Variants in TIAM1 observed in about 807,000 individuals in gnomAD.
TIAM1 encodes TIAM Rac1 associated GEF 1.
Under a neutral mutation model 163.5 loss-of-function variants are expected in TIAM1, and 65 were observed. That is an observed-to-expected ratio of 0.40 (90% CI 0.33 to 0.49). The LOEUF is 0.49. TIAM1 is among the 20% of genes least tolerant of loss of function. The pLI is 0.77. For synonymous variants in TIAM1, 833 were observed against 810.1 expected (o/e 1.03, Z -0.48); for missense variants, 1,789 against 2,044.7 (o/e 0.87, Z 2.41).
chr21:31,391,427 C>T (rs2076963097), intron 2 of TIAM1, among the ~76,000 whole-genome samples: 1 of 152,092 alleles, frequency 6.6e-6, no homozygotes, highest in African/African-American at 2.4e-5. Context: ...GAGTTCGAGA[C>T]CAGCCTGGCC....
chr21:31,529,352 C>T (rs2047901629), intron 1 of TIAM1, among the ~76,000 whole-genome samples: 1 of 152,190 alleles, frequency 6.6e-6, no homozygotes, highest in East Asian at 1.9e-4. Context: ...GCAGATAAAA[C>T]AATTAGAAAA....
At chr21:31,458,532 T>C (rs1204332683) in intron 2 of TIAM1, among the ~76,000 whole-genome samples, 1 of 152,202 alleles carries the variant, frequency 6.6e-6, no homozygotes, top group Non-Finnish European at 1.5e-5. Context: ...CAATGTATTC[T>C]TCTTGGGAAA....
intron 2 of TIAM1, among the ~76,000 whole-genome samples, chr21:31,303,421 C>A (rs2074575763): frequency 6.6e-6 from 1 of 152,120 alleles, no homozygotes. Flanking sequence ...ATAAGGCCAA[C>A]AGGATGCGGG....
intron 13 of TIAM1, among the ~76,000 whole-genome samples, chr21:31,188,151 G>A (rs2085386124): frequency 6.6e-6 from 1 of 152,002 alleles, no homozygotes; most frequent in Admixed American, 6.5e-5. Context: ...ATGGTTTTTT[G>A]TTTAGTTTAC....
intron 10 of TIAM1, among the ~76,000 whole-genome samples, chr21:31,210,765 A>AGAAG (rs1555891334): frequency 1.6e-5 from 2 of 129,026 alleles, no homozygotes; most frequent in Non-Finnish European, 3.3e-5. Flanking sequence ...AAAGAAAGAA[A>AGAAG]GAAAGAAAGA....
At chr21:31,234,670 A>G (rs1300546207) in intron 6 of TIAM1, among the ~76,000 whole-genome samples, 2 of 152,044 alleles carry the variant, frequency 1.3e-5, no homozygotes, top group African/African-American at 4.8e-5. Flanking sequence ...CATCCCAGAT[A>G]TTCGAGAGGC....
intron 1 of TIAM1, among the ~76,000 whole-genome samples, chr21:31,499,457 C>T (rs769217864): frequency 2.6e-5 from 4 of 152,024 alleles, no homozygotes; most frequent in Non-Finnish European, 5.9e-5. Flanking sequence ...ATGAGGATCA[C>T]TTGAGACCAG....
chr21:31,321,247 G>C (rs2075302052), intron 2 of TIAM1, among the ~76,000 whole-genome samples: 2 of 152,194 alleles, frequency 1.3e-5, no homozygotes, highest in Admixed American at 6.5e-5. Flanking sequence ...CGGCAGGCCT[G>C]CACCTCTGCC....
intron 2 of TIAM1, among the ~76,000 whole-genome samples, chr21:31,377,033 C>CTT (rs35487868): frequency 0.15 from 11,797 of 80,872 alleles, 1,136 homozygotes; most frequent in Middle Eastern, 0.33. Flanking sequence ...TCATTTTTGT[C>CTT]TTTTTTTTTT....
chr21:31,221,574 G>C (rs1296594769), intron 8 of TIAM1, among the ~76,000 whole-genome samples: 5 of 152,198 alleles, frequency 3.3e-5, no homozygotes, highest in Non-Finnish European at 7.3e-5. Flanking sequence ...CCTTCTCAGG[G>C]AGGCTGCGCC....
chr21:31,300,643 A>G (rs1275538741), intron 2 of TIAM1, among the ~76,000 whole-genome samples: 1 of 152,242 alleles, frequency 6.6e-6, no homozygotes, highest in Non-Finnish European at 1.5e-5. Flanking sequence ...CTTTACTACA[A>G]GTTTTTGCAA....
At chr21:31,147,389 A>C (rs1466714595) in intron 19 of TIAM1, among the ~76,000 whole-genome samples, 1 of 152,024 alleles carries the variant, frequency 6.6e-6, no homozygotes, top group African/African-American at 2.4e-5. Flanking sequence ...GGAAATGCTC[A>C]TACCTCCCGC....
At chr21:31,453,816 G>GA (rs11437028) in intron 2 of TIAM1, among the ~76,000 whole-genome samples, 152,204 of 152,216 alleles carry the variant, frequency 1, 76,096 homozygotes, top group Middle Eastern at 1. Context: ...AAAGAGGGGG[G>GA]AAATAATTGT....
intron 6 of TIAM1, among the ~76,000 whole-genome samples, chr21:31,243,953 C>T (rs901375969): frequency 6.6e-6 from 1 of 152,202 alleles, no homozygotes; most frequent in African/African-American, 2.4e-5. Context: ...TGATAAAAGA[C>T]ATACTCAATT....
intron 4 of TIAM1, among the ~76,000 whole-genome samples, chr21:31,265,284 G>A (rs974617723): frequency 3.5e-5 from 5 of 141,564 alleles, no homozygotes; most frequent in African/African-American, 8.0e-5. Flanking sequence ...TCCTCCCCAC[G>A]GTTTCGTGCA....
At chr21:31,346,280 AT>A (rs1199195406), upstream of TIAM1, among the ~76,000 whole-genome samples, 4 of 152,204 alleles carry the variant, frequency 2.6e-5, no homozygotes, top group Non-Finnish European at 5.9e-5. Flanking sequence ...ATATAGCATC[AT>A]CAATTTGAAG....
In TIAM1 at chr21:31,202,933, T is replaced by G. The variant is rs140927099; in HGVS notation, c.2468A>C (p.Gln823Pro). ...CAGCTCATAGATGTCTTCCTCGGGC[T>G]GTGGAACATAGAGCTGCATTTTGTT... ...IENKMQLYVP[Q>P]PEEDIYELLY... Residue 823 changes from glutamine (Q) to proline (P), a missense_variant, in exon 12 of 28, where the codon CAG (glutamine) becomes CCG (proline). By Grantham distance (76) the Gln-to-Pro change is moderately conservative. Coordinates refer to ENST00000541036, the MANE Select transcript of TIAM1 (RefSeq NM_001353694.2). 2 of 1,614,080 alleles carry G rather than the reference T, an allele frequency of 1.2e-6. No individual in the cohort carries two copies. Among genetic ancestry groups the G allele is most frequent in the African/African-American group, 2.7e-5 (2 of 74,954 alleles).
chr21:31,210,605 G>GAGA (rs2086708464), intron 10 of TIAM1, among the ~76,000 whole-genome samples: 1 of 56,920 alleles, frequency 1.8e-5, no homozygotes, highest in Non-Finnish European at 3.3e-5. Context: ...AGAGAAAGAA[G>GAGA]GAAGGAAGGG....
At chr21:31,154,166 T>C in intron 17 of TIAM1, 81 bp downstream of exon 17, 7 of 1,450,794 alleles carry the variant, frequency 4.8e-6, no homozygotes, top group Non-Finnish European at 6.6e-6. Flanking sequence ...TTAAATCAGC[T>C]GTTAATGAAA....
Sources: allele counts gnomAD v4.1 joint callset (sites outside exome capture counted in the v4.1 genomes callset), GRCh38; gene constraint gnomAD v4.1.1; transcripts MANE v1.5; gene names NCBI Gene and HGNC (gene_info 2026-07-23, HGNC 2026-07-21).